OR4E2: variants seen among roughly 807,000 people sequenced by gnomAD.
OR4E2 encodes the protein olfactory receptor family 4 subfamily E member 2, also known as olfactory receptor 4E2.
A neutral mutation model predicts 11.0 loss-of-function variants in OR4E2; 9 were observed. The ratio of observed to expected loss-of-function variants is 0.82; its 90% CI spans 0.49 to 1.43. OR4E2 has a LOEUF of 1.43. Ranked by LOEUF, OR4E2 falls within the 40% of genes most tolerant of loss-of-function variation. The pLI, the probability that OR4E2 is intolerant of heterozygous loss-of-function variation, is 0.00. For missense variants in OR4E2, 441 were observed against 382.0 expected (o/e 1.15, Z -1.29); for synonymous variants, 159 against 147.3 (o/e 1.08, Z -0.57).
At chr14:21,664,345 G>A (rs1412206781) in intron 3 of OR4E2, among the ~76,000 whole-genome samples, 1 of 152,172 alleles carries the variant, frequency 6.6e-6, no homozygotes, top group Non-Finnish European at 1.5e-5. Context: ...CTAATGATCA[G>A]TGATGTTGAG....
chr14:21,658,708 T>C (rs931162033), intron 2 of OR4E2, among the ~76,000 whole-genome samples: 1 of 152,168 alleles, frequency 6.6e-6, no homozygotes, highest in African/African-American at 2.4e-5. Flanking sequence ...AAGTTGTTGC[T>C]GTCTACATTG....
intron 2 of OR4E2, among the ~76,000 whole-genome samples, chr14:21,657,576 C>CCACTT (rs1244598279): frequency 7.8e-6 from 1 of 128,822 alleles, no homozygotes; most frequent in East Asian, 2.4e-4. Context: ...TCTCTCTCTC[C>CCACTT]CCCTTCCCTT....
At chr14:21,659,791 G>T (rs1332179391) in intron 2 of OR4E2, among the ~76,000 whole-genome samples, 1 of 152,126 alleles carries the variant, frequency 6.6e-6, no homozygotes, top group African/African-American at 2.4e-5. Flanking sequence ...GCGAAACAAA[G>T]ATCCCTGTCC....
chr14:21,657,841 G>A (rs528474195), intron 2 of OR4E2, among the ~76,000 whole-genome samples: 3 of 152,062 alleles, frequency 2.0e-5, no homozygotes, highest in Non-Finnish European at 2.9e-5. Context: ...CCACCCCCTC[G>A]GCCTCCTAAA....
At chr14:21,662,336 G>T (rs1026133248) in intron 3 of OR4E2, among the ~76,000 whole-genome samples, 1 of 151,572 alleles carries the variant, frequency 6.6e-6, no homozygotes, top group Admixed American at 6.6e-5. Flanking sequence ...TTGCTCTGTT[G>T]CCCAGGCTTG....
chr14:21,666,151 CTCATTAAAGATAAGAACTTATTCTGT>C lies in OR4E2; in HGVS notation c.*150_*175del, dbSNP rs1311261395. The C allele has an allele frequency of 1.4e-5, 9 of 637,404 alleles. No individual in the cohort carries two copies. The highest frequency in any genetic ancestry group is 2.1e-5 in the South Asian group (1 of 48,030). The allele number at this position is 637,404 out of a possible 1,614,324, so 39.5% of individuals were successfully genotyped here. A position where few individuals can be genotyped will look rare whatever the true frequency, so the allele number is the denominator to read the frequency against. On this transcript the variant is annotated 3_prime_UTR_variant, in exon 4 of 4. Coordinates refer to ENST00000641524, the MANE Select transcript of OR4E2 (RefSeq NM_001001912.3). ...TGGCATAGAGCAGGTCAGATTTCTG[CTCATTAAAGATAAGAACTTATTCTGT>C]TCATTAAAGATAAGAACTTATTAAC... is the stretch of plus-strand genomic sequence containing the variant.
chr14:21,662,638 G>C (rs1334381517), intron 3 of OR4E2, among the ~76,000 whole-genome samples: 1 of 151,964 alleles, frequency 6.6e-6, no homozygotes, highest in Non-Finnish European at 1.5e-5. Context: ...AGTTTAACAC[G>C]CTTTATCTCA....
chr14:21,660,549 C>A (rs1387182907), intron 2 of OR4E2, 104 bp from the exon 3 acceptor site: 1 of 151,928 alleles, frequency 6.6e-6, no homozygotes, highest in East Asian at 1.9e-4. Context: ...GCTTTACAGG[C>A]CAAAGTAAAG....
rs758558723 is a variant in OR4E2, at chr14:21,665,173, T to C, written c.91T>C (p.Phe31Leu). 55 of 1,613,776 alleles carry C rather than the reference T, an allele frequency of 3.4e-5. No homozygotes were observed. Among genetic ancestry groups the C allele is most frequent in the Non-Finnish European group, 1.4e-5 (16 of 1,179,822 alleles). ...RVLEMLFFMAFSAIYMLTLSG... is the reference protein window; with the variant it reads ...RVLEMLFFMALSAIYMLTLSG... ...GCTGGAAATGCTGTTTTTCATGGCA[T>C]TCTCAGCCATTTATATGCTAACGCT... The change falls in exon 4 of 4, where the codon TTC becomes CTC. Residue 31 changes from phenylalanine (F) to leucine (L), a missense_variant. Transcript: ENST00000641524.
intron 2 of OR4E2, among the ~76,000 whole-genome samples, chr14:21,657,422 C>CTCTT (rs1213436212): frequency 1.7e-5 from 2 of 118,348 alleles, no homozygotes; most frequent in Non-Finnish European, 3.5e-5. Context: ...TTCTTTCTTT[C>CTCTT]TCTTTCTTTC....
intron 3 of OR4E2, 30 bp from the exon 4 acceptor site, chr14:21,665,045 T>C: frequency 1.7e-6 from 2 of 1,179,348 alleles, no homozygotes; most frequent in Non-Finnish European, 2.4e-6. Flanking sequence ...ATAATAAAAC[T>C]AAATTAGCTT....
rs1158376956 is a variant in OR4E2 at position 21,666,839 on chromosome 14, A to C, written c.*815A>C. On this transcript the variant is annotated 3_prime_UTR_variant, in exon 4 of 4. Transcript: ENST00000641524. ...CCTGAATAGCTGGGACTATAGGTGC[A>C]TGCCATCATGCCTGGCTAATTTTTA... 2.0e-5 allele frequency: 3 copies of C among 152,000 alleles called. No individual in the cohort carries two copies. The East Asian group carries it at 5.8e-4, about 29-fold the overall frequency. 9.4% of individuals were successfully genotyped at this position (152,000 alleles called of 1,614,324 possible). A position where few individuals can be genotyped will look rare whatever the true frequency, so the allele number is the denominator to read the frequency against.
In OR4E2 at chr14:21,658,649, T is replaced by C. The variant is rs181481045; in HGVS notation, c.-102-2004T>C. ...GGGGTCAGGGAGTAGAGGTCACTGA[T>C]CTCTGGAAAGTCACGATACTCTTCA... On this transcript the variant is annotated intron_variant, in intron 2 of 3. Transcript: ENST00000641524. Among the ~76,000 whole-genome samples the C allele has an allele frequency of 5.6e-3, 852 of 152,152 alleles. 7 individuals are homozygous for C. Among genetic ancestry groups the C allele is most frequent in the Middle Eastern group, 6.8e-3 (2 of 294 alleles).
At chr14:21,659,923 G>C (rs1161921476) in intron 2 of OR4E2, among the ~76,000 whole-genome samples, 5 of 151,780 alleles carry the variant, frequency 3.3e-5, no homozygotes, top group African/African-American at 9.7e-5. Context: ...GGTAGATCAG[G>C]ATAAAGGGGA....
intron 2 of OR4E2, among the ~76,000 whole-genome samples, chr14:21,658,387 G>A (rs1880132825): frequency 6.6e-6 from 1 of 152,182 alleles, no homozygotes; most frequent in African/African-American, 2.4e-5. Context: ...GACCTTGGAA[G>A]CTCTGGATTT....
chr14:21,661,922 G>A (rs1880350647), intron 3 of OR4E2, among the ~76,000 whole-genome samples: 1 of 152,070 alleles, frequency 6.6e-6, no homozygotes, highest in Non-Finnish European at 1.5e-5. Context: ...AGAGGTATGA[G>A]TGTTTAAAAT....
chr14:21,665,798 C>T lies in OR4E2; in HGVS notation c.716C>T (p.Thr239Ile), dbSNP rs759759945. Residue 239 changes from threonine (T) to isoleucine (I), a missense_variant, in exon 4 of 4, where the codon ACC (threonine) becomes ATC (isoleucine). By Grantham distance (89) the Thr-to-Ile change is moderately conservative. Transcript: ENST00000641524. ...SAEGRRKALSTCSAHFMVVAL... is the reference protein window; with the variant it reads ...SAEGRRKALSICSAHFMVVAL... ...GAAGGGCGCCGGAAAGCCCTGTCTA[C>T]CTGCTCGGCCCACTTCATGGTGGTT... 8.7e-6 allele frequency: 14 copies of T among 1,613,856 alleles called. No individual in the cohort carries two copies. The highest frequency in any genetic ancestry group is 1.1e-5 in the Non-Finnish European group (13 of 1,179,862).
intron 3 of OR4E2, among the ~76,000 whole-genome samples, chr14:21,662,032 C>T (rs1312165325): frequency 6.6e-6 from 1 of 152,032 alleles, no homozygotes; most frequent in African/African-American, 2.4e-5. Context: ...CTTTGTTAAT[C>T]CGATGAATGA....
At chr14:21,659,714 C>G (rs1477119863) in intron 2 of OR4E2, among the ~76,000 whole-genome samples, 1 of 152,082 alleles carries the variant, frequency 6.6e-6, no homozygotes, top group African/African-American at 2.4e-5. Context: ...TATAATCGTT[C>G]AAAAATATGT....
Sources: allele counts gnomAD v4.1 joint callset (sites outside exome capture counted in the v4.1 genomes callset), GRCh38; gene constraint gnomAD v4.1.1; transcripts MANE v1.5; gene names NCBI Gene and HGNC (gene_info 2026-07-23, HGNC 2026-07-21).